TP53BP2: variants seen among roughly 807,000 people sequenced by gnomAD.
TP53BP2 encodes the protein tumor protein p53 binding protein 2.
A neutral mutation model predicts 126.2 loss-of-function variants in TP53BP2; 62 were observed. The observed-to-expected ratio is 0.49, with a 90% CI of 0.40 to 0.61. The LOEUF is 0.61. Ranked by LOEUF, TP53BP2 falls within the 20% of genes least tolerant of loss-of-function variation. The probability of loss-of-function intolerance (pLI) is 0.00; values close to 1 mark genes in which losing one functional copy is unlikely to be tolerated. For synonymous variants in TP53BP2, 485 were observed against 502.9 expected (o/e 0.96, Z 0.48); for missense variants, 1,215 against 1,402.8 (o/e 0.87, Z 2.14).
intron 1 of TP53BP2, among the ~76,000 whole-genome samples, chr1:223,829,734 C>CA (rs541890457): frequency 0.15 from 15,649 of 101,244 alleles, 974 homozygotes; most frequent in African/African-American, 0.23. Context: ...ATAATCAGGT[C>CA]AAAAAAAAAA....
rs533822567 is a variant in TP53BP2, at chr1:223,807,125, T to C, written c.373-178A>G. On this transcript the variant is annotated intron_variant, in intron 4 of 17. Transcript: ENST00000343537. ...AATTCTTATATTAATACTCACCACA[T>C]TGACTTTTTAAGATGTAATGTAAAA... 2.5e-3 allele frequency among the ~76,000 whole-genome samples: 376 copies of C among 152,340 alleles called. 4 individuals carry two copies. The highest frequency in any genetic ancestry group is 8.7e-3 in the African/African-American group (360 of 41,592).
In TP53BP2 at chr1:223,845,646, C is replaced by T. The variant is rs532677482; in HGVS notation, c.27+8G>A. ...CGGGCCCGACGCCCTGGCCGCTCGC[C>T]CACTTACCGGCATCATCTTGGACCC... On this transcript the variant is annotated splice_region_variant and intron_variant, in intron 1 of 17. Coordinates refer to ENST00000343537, the MANE Select transcript of TP53BP2 (RefSeq NM_001031685.3). The T allele has an allele frequency of 1.9e-6, 3 of 1,553,940 alleles. No individual in the cohort carries two copies. Among genetic ancestry groups the T allele is most frequent in the Admixed American group, 3.7e-5 (2 of 54,242 alleles).
rs1449736007 is a variant in TP53BP2, at chr1:223,804,473, CCTT to C, written c.475-128_475-126del. ...CACTTGTAACCCTGGTCTGGTCTCA[CCTT>C]CTTCCTAAACACTGCCATCAGAATC... On this transcript the variant is annotated intron_variant, in intron 5 of 17. Transcript: ENST00000343537. 1.5e-4 allele frequency: 121 copies of C among 833,598 alleles called. 1 individual carries two copies. The highest frequency in any genetic ancestry group is 1.1e-5 in the Non-Finnish European group (6 of 527,804). The allele number at this position is 833,598 out of a possible 1,614,324, so 51.6% of individuals were successfully genotyped here.
At chr1:223,782,562 A>C (rs940254722) in intron 17 of TP53BP2, among the ~76,000 whole-genome samples, 1 of 152,116 alleles carries the variant, frequency 6.6e-6, no homozygotes, top group Non-Finnish European at 1.5e-5. Context: ...GGCTCACCAC[A>C]ACCTCTGCCT....
chr1:223,826,365 C>G (rs1348094927), intron 1 of TP53BP2, among the ~76,000 whole-genome samples: 1 of 152,128 alleles, frequency 6.6e-6, no homozygotes, highest in Non-Finnish European at 1.5e-5. Context: ...ACTGAAAATT[C>G]TGCATTTCTA....
At chr1:223,821,031 G>C (rs927479814) in intron 2 of TP53BP2, 189 bp downstream of exon 2, 2 of 690,958 alleles carry the variant, frequency 2.9e-6, no homozygotes, top group East Asian at 2.7e-5. Context: ...CATTTTATTG[G>C]AGAAAAAGAA....
chr1:223,819,986 A>G (rs1323504411), intron 2 of TP53BP2, among the ~76,000 whole-genome samples: 2 of 152,180 alleles, frequency 1.3e-5, no homozygotes, highest in African/African-American at 4.8e-5. Context: ...ACACACAAAG[A>G]GTGACGGGCC....
At chr1:223,783,518 T>C (rs1482056147) in intron 17 of TP53BP2, among the ~76,000 whole-genome samples, 1 of 152,200 alleles carries the variant, frequency 6.6e-6, no homozygotes, top group Non-Finnish European at 1.5e-5. Context: ...ACACAACTGC[T>C]ATAAGAGAAC....
chr1:223,830,426 G>A (rs1182609982), intron 1 of TP53BP2, among the ~76,000 whole-genome samples: 3 of 151,898 alleles, frequency 2.0e-5, no homozygotes, highest in Admixed American at 6.6e-5. Context: ...TCAAAGATAC[G>A]ATGGTAGTAC....
chr1:223,815,113 G>A (rs1304651797), intron 2 of TP53BP2, among the ~76,000 whole-genome samples: 3 of 152,206 alleles, frequency 2.0e-5, no homozygotes, highest in Admixed American at 6.5e-5. Flanking sequence ...TGAAACTCCA[G>A]TAATGTCAAC....
chr1:223,788,037 C>T (rs1345029283), intron 16 of TP53BP2, among the ~76,000 whole-genome samples: 1 of 151,930 alleles, frequency 6.6e-6, no homozygotes, highest in Non-Finnish European at 1.5e-5. Context: ...CCACTGCACT[C>T]CAGCCTGGGT....
At chr1:223,841,395 T>C (rs1057046220) in intron 1 of TP53BP2, among the ~76,000 whole-genome samples, 1 of 152,252 alleles carries the variant, frequency 6.6e-6, no homozygotes, top group African/African-American at 2.4e-5. Context: ...GAATAAAGCC[T>C]GATCTAAGCT....
At chr1:223,797,752 C>T (rs1371953871) in intron 12 of TP53BP2, among the ~76,000 whole-genome samples, 1 of 150,792 alleles carries the variant, frequency 6.6e-6, no homozygotes, top group Non-Finnish European at 1.5e-5. Flanking sequence ...CACACACATA[C>T]AGAGACACAC....
rs1662571958 is a variant in TP53BP2, at chr1:223,802,767, C to T, written c.960G>A (p.Lys320=). 1 of 1,614,068 alleles carries T rather than the reference C, an allele frequency of 6.2e-7. No individual in the cohort carries two copies. Among genetic ancestry groups the T allele is most frequent in the African/African-American group, 1.3e-5 (1 of 74,924 alleles). The stretch of plus-strand genomic sequence containing the variant: ...CTTTTTGCTGTAGAGCTGCCTTCTT[C>T]TTCCACAGCCGGTCCCTCAGCTCAT... ...RVNELRDRLW[K]KKAALQQKEN... Residue 320 remains lysine (K), a synonymous_variant, in exon 8 of 18, where the codon AAG becomes AAA. Coordinates refer to ENST00000343537, the MANE Select transcript of TP53BP2 (RefSeq NM_001031685.3).
chr1:223,809,190 T>G (rs1662826251), intron 4 of TP53BP2, among the ~76,000 whole-genome samples: 1 of 152,146 alleles, frequency 6.6e-6, no homozygotes, highest in African/African-American at 2.4e-5. Flanking sequence ...GAAGATACAT[T>G]GTGTCCATAT....
intron 1 of TP53BP2, among the ~76,000 whole-genome samples, chr1:223,823,922 A>G (rs1283508735): frequency 6.6e-6 from 1 of 152,244 alleles, no homozygotes; most frequent in Non-Finnish European, 1.5e-5. Flanking sequence ...AATACAGAGT[A>G]TATGCTAAAC....
At chr1:223,792,819 C>T (rs1172786597) in intron 14 of TP53BP2, among the ~76,000 whole-genome samples, 2 of 150,856 alleles carry the variant, frequency 1.3e-5, no homozygotes, top group Non-Finnish European at 2.9e-5. Flanking sequence ...CAGCTTCTCA[C>T]CACAAATTAG....
chr1:223,842,190 G>A (rs915777103), intron 1 of TP53BP2, among the ~76,000 whole-genome samples: 1 of 152,052 alleles, frequency 6.6e-6, no homozygotes, highest in African/African-American at 2.4e-5. Context: ...CACCCACCTC[G>A]GCCTCCCAAA....
intron 1 of TP53BP2, among the ~76,000 whole-genome samples, chr1:223,826,579 T>C (rs1663502965): frequency 6.6e-6 from 1 of 152,142 alleles, no homozygotes; most frequent in Non-Finnish European, 1.5e-5. Flanking sequence ...GGGCTACTTT[T>C]TGGGGTGATG....
Sources: allele counts gnomAD v4.1 joint callset (sites outside exome capture counted in the v4.1 genomes callset), GRCh38; gene constraint gnomAD v4.1.1; transcripts MANE v1.5; gene names NCBI Gene and HGNC (gene_info 2026-07-23, HGNC 2026-07-21).